Variants in ANKRD39 observed in about 807,000 individuals in gnomAD.
The protein encoded by ANKRD39 is ankyrin repeat domain 39.
In ANKRD39, 18 loss-of-function variants were observed where a neutral mutation model predicts 20.3. The observed-to-expected ratio is 0.89, with a 90% CI of 0.61 to 1.32. The LOEUF (loss-of-function observed/expected upper bound fraction) is 1.32. ANKRD39 is among the 40% of genes most tolerant of loss of function. The pLI is 0.00. For synonymous variants in ANKRD39, 106 were observed against 111.9 expected (o/e 0.95, Z 0.33); for missense variants, 243 against 250.7 (o/e 0.97, Z 0.21).
intron 2 of ANKRD39, among the ~76,000 whole-genome samples, chr2:96,854,082 G>A (rs1201437528): frequency 6.6e-6 from 1 of 152,314 alleles, no homozygotes; most frequent in African/African-American, 2.4e-5. Flanking sequence ...AGCTGAGATC[G>A]CATCACTGCA....
In ANKRD39 at chr2:96,853,671, G is replaced by A. The variant is rs2079849732; in HGVS notation, c.205-67C>T. On this transcript the variant is annotated intron_variant, in intron 2 of 3. Transcript: ENST00000393537. Reference sequence around the variant, plus strand: ...CAGGTGACAAGGGTGGTATAGAGGTGAGAGCATGGCCTCCCTGCAGCGAGG... The same window carrying A: ...CAGGTGACAAGGGTGGTATAGAGGTAAGAGCATGGCCTCCCTGCAGCGAGG... 2.0e-6 allele frequency: 3 copies of A among 1,495,810 alleles called. No individual in the cohort carries two copies. In the South Asian group the frequency reaches 3.6e-5, roughly 18 times the overall value. 92.7% of individuals were successfully genotyped at this position (1,495,810 alleles called of 1,614,324 possible).
At chr2:96,854,536 A>C (rs1257020218) in intron 1 of ANKRD39, 95 bp from the exon 2 acceptor site, 2 of 1,174,340 alleles carry the variant, frequency 1.7e-6, no homozygotes, top group African/African-American at 3.0e-5. Flanking sequence ...TATAAAGTGA[A>C]GAATATTCAT....
intron 2 of ANKRD39, 120 bp downstream of exon 2, chr2:96,854,218 C>G: frequency 9.8e-7 from 1 of 1,024,358 alleles, no homozygotes; most frequent in South Asian, 1.6e-5. Flanking sequence ...AGAAATTTTG[C>G]TGGAAGAGAA....
chr2:96,854,457 CA>C lies in ANKRD39; in HGVS notation c.101-17del, dbSNP rs1487627574. The C allele has an allele frequency of 1.2e-6, 2 of 1,612,804 alleles. No homozygotes were observed. Among genetic ancestry groups the C allele is most frequent in the Admixed American group, 1.7e-5 (1 of 59,986 alleles). ...GACCAGATTCCTGCAGAAAGGCAAC[CA>C]AAGGACTGAATGATGCTGAATGGGA... is the stretch of plus-strand genomic sequence containing the variant. On this transcript the variant is annotated splice_polypyrimidine_tract_variant and intron_variant, in intron 1 of 3. Transcript: ENST00000393537.
At chr2:96,854,209 G>T in intron 2 of ANKRD39, 129 bp downstream of exon 2, 1 of 949,774 alleles carries the variant, frequency 1.1e-6, no homozygotes. Flanking sequence ...CTTAAAAAGA[G>T]AAATTTTGCT....
At chr2:96,853,729 A>G in intron 2 of ANKRD39, 125 bp from the exon 3 acceptor site, 1 of 911,166 alleles carries the variant, frequency 1.1e-6, no homozygotes. Flanking sequence ...CAACCCCAGC[A>G]GTCGTGTGAC....
At chr2:96,854,549 C>A in intron 1 of ANKRD39, 108 bp from the exon 2 acceptor site, 2 of 1,072,014 alleles carry the variant, frequency 1.9e-6, no homozygotes, top group South Asian at 2.8e-5. Context: ...ATATTCATTC[C>A]TTCAACAAAT....
intron 3 of ANKRD39, among the ~76,000 whole-genome samples, chr2:96,849,662 T>A (rs1302817312): frequency 2.0e-5 from 3 of 150,370 alleles, no homozygotes; most frequent in Non-Finnish European, 3.0e-5. Flanking sequence ...AAAATAAAAA[T>A]AAAAAAAAAT....
intron 3 of ANKRD39, among the ~76,000 whole-genome samples, chr2:96,850,428 G>A (rs905574609): frequency 6.6e-6 from 1 of 152,228 alleles, no homozygotes; most frequent in Non-Finnish European, 1.5e-5. Context: ...ACTTTGGGAG[G>A]CCGAGGGAGG....
In ANKRD39 at chr2:96,848,334, G is replaced by A. The variant is rs1343553384; in HGVS notation, c.519C>T (p.Cys173=). The change falls in exon 4 of 4, where the codon TGC becomes TGT. Residue 173 remains cysteine (C), a synonymous_variant. Transcript: ENST00000393537. Reference sequence around the variant, plus strand: ...ATAGCAGGTCCCGCAGGTCACTGTTGCAAGGCAGCAGGTCACATGCTAGCC... The same window carrying A: ...ATAGCAGGTCCCGCAGGTCACTGTTACAAGGCAGCAGGTCACATGCTAGCC... The part of the protein sequence containing the change: ...KARLACDLLP[C]NSDLRDLLSS The A allele has an allele frequency of 6.2e-7, 1 of 1,614,152 alleles. No individual in the cohort carries two copies. The highest frequency in any genetic ancestry group is 2.2e-5 in the East Asian group (1 of 44,880).
chr2:96,853,666 G>C, intron 2 of ANKRD39, 62 bp from the exon 3 acceptor site: 1 of 1,532,974 alleles, frequency 6.5e-7, no homozygotes, highest in Non-Finnish European at 8.9e-7. Context: ...GGGTGGTATA[G>C]AGGTGAGAGC....
chr2:96,851,128 G>A (rs1040424395), intron 3 of ANKRD39, among the ~76,000 whole-genome samples: 5 of 151,814 alleles, frequency 3.3e-5, no homozygotes, highest in Non-Finnish European at 7.4e-5. Flanking sequence ...TGAGTAGCTG[G>A]AATTACAGGT....
At chr2:96,857,713 C>A (rs959657473) in intron 1 of ANKRD39, among the ~76,000 whole-genome samples, 175 bp downstream of exon 1, 1 of 152,256 alleles carries the variant, frequency 6.6e-6, no homozygotes, top group Admixed American at 6.5e-5. Context: ...TCGTGCGGGG[C>A]CCTGGGAGGC....
chr2:96,853,547 C>T lies in ANKRD39; in HGVS notation c.262G>A (p.Ala88Thr), dbSNP rs143344112. 1.2e-6 allele frequency: 2 copies of T among 1,613,038 alleles called. No homozygotes were observed. The highest frequency in any genetic ancestry group is 1.3e-5 in the African/African-American group (1 of 75,018). The change falls in exon 3 of 4, where the codon GCT (alanine) becomes ACT (threonine). Residue 88 changes from alanine (A) to threonine (T), a missense_variant. Ala to Thr is a moderately conservative substitution (Grantham distance 58). Coordinates refer to ENST00000393537, the MANE Select transcript of ANKRD39 (RefSeq NM_016466.6). ...AVCQFLLESG[A>T]KCDAQTHGGA... ...CCGTGGGTCTGGGCATCACACTTAG[C>T]TCCGCTTTCCAGCAGGAACTGGCAC...
chr2:96,848,438 C>T lies in ANKRD39; in HGVS notation c.415G>A (p.Glu139Lys). The T allele has an allele frequency of 6.2e-7, 1 of 1,614,046 alleles. No homozygotes were observed. Among genetic ancestry groups the T allele is most frequent in the Non-Finnish European group, 8.5e-7 (1 of 1,179,960 alleles). The change falls in exon 4 of 4, where the codon GAG becomes AAG. Residue 139 changes from glutamate (E) to lysine (K), a missense_variant. Transcript: ENST00000393537. ...GAGCAGATGTCCCCGTGACCCCTCT[C>T]AGCAGCCTGTGGAGAGAAAGGCTGG... ...DGMTSLHKAA[E>K]RGHGDICSLL...
At position 96,848,432 on chromosome 2, in the gene ANKRD39, CCCT is replaced by C; in HGVS notation, c.418_420del (p.Arg140del). The C allele has an allele frequency of 6.2e-7, 1 of 1,614,106 alleles. No individual in the cohort carries two copies. Among genetic ancestry groups the C allele is most frequent in the Non-Finnish European group, 8.5e-7 (1 of 1,180,000 alleles). On this transcript the variant is annotated inframe_deletion, in exon 4 of 4. Transcript: ENST00000393537. ...AGGAGGGAGCAGATGTCCCCGTGACCCCTCTCAGCAGCCTGTGGAGAGAAAGGC... is the reference window on the plus strand; with the variant it reads ...AGGAGGGAGCAGATGTCCCCGTGACCCTCAGCAGCCTGTGGAGAGAAAGGC...
intron 1 of ANKRD39, among the ~76,000 whole-genome samples, chr2:96,855,368 C>A (rs2079857446): frequency 6.6e-6 from 1 of 152,174 alleles, no homozygotes; most frequent in Non-Finnish European, 1.5e-5. Context: ...AAGAGTACTG[C>A]AGACCTAGTC....
In ANKRD39 at chr2:96,848,084, CTCA is replaced by C; in HGVS notation, c.*214_*216del. 1 of 492,406 alleles carries C rather than the reference CTCA, an allele frequency of 2.0e-6. No individual in the cohort carries two copies. Among genetic ancestry groups the C allele is most frequent in the African/African-American group, 1.9e-5 (1 of 52,950 alleles). The allele number at this position is 492,406 out of a possible 1,614,324, so 30.5% of individuals were successfully genotyped here. The stretch of plus-strand genomic sequence containing the variant: ...TATTTTTTTCCAAATAAATAGATGT[CTCA>C]TATGAACTAATTTAGAATATGATCA... On this transcript the variant is annotated 3_prime_UTR_variant, in exon 4 of 4. Transcript: ENST00000393537.
rs780533077 is a variant in ANKRD39 at position 96,857,967 on chromosome 2, G to A, written c.21C>T (p.Cys7=). Reference sequence around the variant, plus strand: ...GATGCGAGCAGCAGGGCCCGTCCGCGCAGGGCCGAGGCGTCGCCATCCCGG... The same window carrying A: ...GATGCGAGCAGCAGGGCCCGTCCGCACAGGGCCGAGGCGTCGCCATCCCGG... MATPRP[C]ADGPCCSHPS... is the part of the protein sequence containing the mutation. Residue 7 remains cysteine (C), a synonymous_variant, in exon 1 of 4, where the codon TGC becomes TGT. Transcript: ENST00000393537. 4 of 1,554,282 alleles carry A rather than the reference G, an allele frequency of 2.6e-6. No individual in the cohort carries two copies. Among genetic ancestry groups the A allele is most frequent in the Non-Finnish European group, 3.5e-6 (4 of 1,157,704 alleles).
Sources: gnomAD v4.1 joint callset for allele counts (sites outside exome capture counted in the v4.1 genomes callset) on GRCh38, gnomAD v4.1.1 for gene constraint, MANE v1.5 for transcripts, NCBI Gene and HGNC (gene_info 2026-07-23, HGNC 2026-07-21) for gene names.